EEA1: variants seen among roughly 807,000 people sequenced by gnomAD.
EEA1 encodes early endosome antigen 1, also known as early endosome antigen 1, 162kD.
EEA1 carries 111 observed loss-of-function variants against 209.2 expected under a neutral mutation model. That is an observed-to-expected ratio of 0.53 (90% CI 0.45 to 0.62). The LOEUF is 0.62. Among genes scored for constraint, EEA1 ranks in the 20% least tolerant of loss-of-function variants. The pLI, the probability that EEA1 is intolerant of heterozygous loss-of-function variation, is 0.00. For missense variants in EEA1, 1,343 were observed against 1,530.8 expected (o/e 0.88, Z 2.05); for synonymous variants, 536 against 540.6 (o/e 0.99, Z 0.12).
chr12:92,849,615 T>TA (rs1171175883), intron 9 of EEA1, among the ~76,000 whole-genome samples: 1 of 152,204 alleles, frequency 6.6e-6, no homozygotes, highest in African/African-American at 2.4e-5. Flanking sequence ...TATCATAAGT[T>TA]AGAGAGTGTA....
At chr12:92,843,383 T>G (rs911467947) in intron 9 of EEA1, among the ~76,000 whole-genome samples, 2 of 152,052 alleles carry the variant, frequency 1.3e-5, no homozygotes, top group African/African-American at 4.8e-5. Context: ...GGTCCCCAAC[T>G]CCTGGGCTCA....
At chr12:92,914,309 T>A (rs1182989908) in intron 1 of EEA1, among the ~76,000 whole-genome samples, 1 of 152,090 alleles carries the variant, frequency 6.6e-6, no homozygotes, top group Non-Finnish European at 1.5e-5. Context: ...GTATGTGGCT[T>A]TATTTCTGGG....
intron 11 of EEA1, among the ~76,000 whole-genome samples, chr12:92,831,992 C>T (rs529776609): frequency 1.4e-3 from 204 of 149,592 alleles, no homozygotes; most frequent in African/African-American, 4.9e-3. Flanking sequence ...GAGGCTGAGG[C>T]AGGAGAATGG....
intron 2 of EEA1, among the ~76,000 whole-genome samples, chr12:92,880,463 C>G (rs1879087595): frequency 6.6e-6 from 1 of 152,024 alleles, no homozygotes; most frequent in African/African-American, 2.4e-5. Flanking sequence ...CGCCACAGTG[C>G]CTGGCTAATT....
chr12:92,798,294 A>T (rs1274785178), intron 21 of EEA1, among the ~76,000 whole-genome samples: 1 of 152,026 alleles, frequency 6.6e-6, no homozygotes, highest in Non-Finnish European at 1.5e-5. Flanking sequence ...AATTTTTCTA[A>T]TACACGATGA....
At chr12:92,883,803 C>G in intron 2 of EEA1, 1 of 1,577,466 alleles carries the variant, frequency 6.3e-7, no homozygotes, top group Non-Finnish European at 8.7e-7. Context: ...CTAAAGAGCC[C>G]GAACAGCTGA....
intron 1 of EEA1, among the ~76,000 whole-genome samples, chr12:92,914,234 C>T (rs1344972308): frequency 6.6e-6 from 1 of 152,076 alleles, no homozygotes; most frequent in East Asian, 1.9e-4. Context: ...ACTCAGATCC[C>T]AGGCCCATAA....
At chr12:92,897,158 C>T (rs559466976) in intron 1 of EEA1, among the ~76,000 whole-genome samples, 1 of 152,204 alleles carries the variant, frequency 6.6e-6, no homozygotes, top group Non-Finnish European at 1.5e-5. Context: ...AAAACCCTAA[C>T]TTTCCACACC....
intron 2 of EEA1, among the ~76,000 whole-genome samples, chr12:92,888,347 G>A (rs530605309): frequency 3.0e-4 from 46 of 152,060 alleles, no homozygotes; most frequent in Middle Eastern, 6.8e-3. Context: ...TTGGGAGGCC[G>A]AAGCAAGTGG....
intron 13 of EEA1, among the ~76,000 whole-genome samples, chr12:92,824,833 G>C (rs560834083): frequency 3.3e-5 from 5 of 152,304 alleles, no homozygotes; most frequent in Admixed American, 2.0e-4. Flanking sequence ...CATGAGAGCA[G>C]ATATTTTTGT....
intron 7 of EEA1, 52 bp from the exon 8 acceptor site, chr12:92,852,348 A>G: frequency 7.6e-7 from 1 of 1,310,370 alleles, no homozygotes; most frequent in Non-Finnish European, 1.0e-6. Flanking sequence ...ACAGTTTTAT[A>G]AGTTTCCATA....
rs751206225 is a variant in EEA1 at position 92,788,098 on chromosome 12, T to G, written c.2968-49A>C. ...AAACAGTATGCATTCCAAAAACCAA[T>G]TACAAATATAAAGTAAAATCCAGAC... On this transcript the variant is annotated intron_variant, in intron 21 of 28. Transcript: ENST00000322349. 3.6e-6 allele frequency: 5 copies of G among 1,406,402 alleles called. No individual in the cohort carries two copies. In the South Asian group the frequency reaches 8.9e-5, roughly 25 times the overall value. 87.1% of individuals were successfully genotyped at this position (1,406,402 alleles called of 1,614,324 possible).
At chr12:92,907,088 A>G (rs910887760) in intron 1 of EEA1, among the ~76,000 whole-genome samples, 6 of 152,208 alleles carry the variant, frequency 3.9e-5, no homozygotes, top group African/African-American at 7.2e-5. Context: ...TGCAAATAAC[A>G]AATACTATTT....
At chr12:92,808,300 C>T (rs950163943) in intron 18 of EEA1, among the ~76,000 whole-genome samples, 20 of 151,942 alleles carry the variant, frequency 1.3e-4, no homozygotes, top group African/African-American at 4.6e-4. Flanking sequence ...GTGGCTAGAT[C>T]CACAGATACA....
At chr12:92,781,858 T>C in intron 23 of EEA1, 92 bp downstream of exon 23, 1 of 1,125,748 alleles carries the variant, frequency 8.9e-7, no homozygotes, top group Non-Finnish European at 1.2e-6. Context: ...AAAATAAGGA[T>C]GATGCCTGTA....
Position 92,865,714 on chromosome 12 carries a change from TTTTTATTTTATTTTATTTTATTTTA to T in EEA1, c.118-752_118-728del, listed in dbSNP as rs79830023. 1.6e-4 allele frequency among the ~76,000 whole-genome samples: 23 copies of T among 142,432 alleles called. No homozygotes were observed. In the East Asian group the frequency reaches 2.2e-3, roughly 13 times the overall value. The allele number at this position is 142,432 out of a possible 152,430, so 93.4% of individuals were successfully genotyped here. On this transcript the variant is annotated intron_variant, in intron 2 of 28. Coordinates refer to ENST00000322349, the MANE Select transcript of EEA1 (RefSeq NM_003566.4). ...AACTTACTGGGTTGCAACTTTTATT[TTTTTATTTTATTTTATTTTATTTTA>T]TTTTATTTTATTTTATTTTATTTTG...
At chr12:92,857,598 A>G (rs1877938386) in intron 3 of EEA1, 113 bp from the exon 4 acceptor site, 1 of 604,448 alleles carries the variant, frequency 1.7e-6, no homozygotes, top group Non-Finnish European at 2.7e-6. Context: ...TTTCAATTCA[A>G]AAAAAAACTA....
chr12:92,929,011 G>T (rs1438529018), intron 1 of EEA1, 32 bp downstream of exon 1: 9 of 1,581,550 alleles, frequency 5.7e-6, no homozygotes, highest in Non-Finnish European at 7.7e-6. Flanking sequence ...TCCCGCTCAC[G>T]TGCTGCCAGA....
At chr12:92,891,571 A>C in intron 2 of EEA1, 58 bp downstream of exon 2, 1 of 1,320,150 alleles carries the variant, frequency 7.6e-7, no homozygotes, top group South Asian at 1.3e-5. Context: ...CGTTACACCA[A>C]ATATTTGCTC....
Sources: gnomAD v4.1 joint callset for allele counts (sites outside exome capture counted in the v4.1 genomes callset) on GRCh38, gnomAD v4.1.1 for gene constraint, MANE v1.5 for transcripts, NCBI Gene and HGNC (gene_info 2026-07-23, HGNC 2026-07-21) for gene names.